Variants in ITGA7 observed in about 807,000 individuals in gnomAD.
ITGA7 encodes the protein integrin alpha-7.
ITGA7 carries 84 observed loss-of-function variants against 131.6 expected under a neutral mutation model. The ratio of observed to expected loss-of-function variants is 0.64; its 90% CI spans 0.54 to 0.77. The LOEUF (loss-of-function observed/expected upper bound fraction) is 0.77. Among genes scored for constraint, ITGA7 ranks in the 30% least tolerant of loss-of-function variants. The pLI is 0.00. For missense variants in ITGA7, 1,399 were observed against 1,482.9 expected (o/e 0.94, Z 0.93); for synonymous variants, 548 against 600.7 (o/e 0.91, Z 1.28).
chr12:55,715,866 T>C (rs933400955), upstream of ITGA7: 31 of 719,512 alleles, frequency 4.3e-5, no homozygotes, highest in Non-Finnish European at 6.1e-5. Context: ...CAGGAAATGT[T>C]AAAAACTGGC....
rs1156598663 is a variant in ITGA7, at chr12:55,698,828, C to T, written c.880G>A (p.Val294Met). The change falls in exon 6 of 25, where the codon GTG (valine) becomes ATG (methionine). Residue 294 changes from valine (V) to methionine (M), a missense_variant. Physicochemically the swap from Val to Met is conservative, Grantham distance 21. Coordinates refer to ENST00000257879, the MANE Select transcript of ITGA7 (RefSeq NM_002206.3). ...GCGCTGTCCTTGCGCAGGATGACCACAGCACCCTTGTGGTTGGCGCGGGGG... is the reference window on the plus strand; with the variant it reads ...GCGCTGTCCTTGCGCAGGATGACCATAGCACCCTTGTGGTTGGCGCGGGGG... ...GAPRANHKGA[V>M]VILRKDSASR... 6.2e-7 allele frequency: 1 copy of T among 1,614,056 alleles called. No homozygotes were observed. Among genetic ancestry groups the T allele is most frequent in the Non-Finnish European group, 8.5e-7 (1 of 1,180,000 alleles).
intron 7 of ITGA7, 127 bp downstream of exon 7, chr12:55,698,256 G>T: frequency 1.0e-6 from 1 of 967,824 alleles, no homozygotes; most frequent in Non-Finnish European, 1.5e-6. Flanking sequence ...AAATGGTACA[G>T]CTCAGACATA....
chr12:55,707,638 A>T lies in ITGA7; in HGVS notation c.45T>A (p.Ile15=). ...CGAGCAGGGAGCCAAAAAGGTAGCA[A>T]ATCCCGGAGGCCCCCCAAGGGTCGC... ...RSRDPWGASG[I]CYLFGSLLVE... is the part of the protein sequence containing the mutation. Residue 15 remains isoleucine, a synonymous_variant, in exon 1 of 25, where the codon ATT becomes ATA. Transcript: ENST00000257879. The T allele has an allele frequency of 6.2e-7, 1 of 1,603,874 alleles. No individual in the cohort carries two copies.
upstream of ITGA7, chr12:55,716,058 C>A: frequency 1.3e-6 from 2 of 1,558,304 alleles, no homozygotes; most frequent in Non-Finnish European, 1.7e-6. Context: ...TGACATGGCC[C>A]CGGGGAGCCG....
At position 55,685,273 on chromosome 12, in the gene ITGA7, G is replaced by A. The variant is rs367574217; in HGVS notation, c.3199C>T (p.Arg1067Trp). 55 of 1,614,090 alleles carry A rather than the reference G, an allele frequency of 3.4e-5. 1 individual carries two copies. The highest frequency in any genetic ancestry group is 1.2e-4 in the African/African-American group (9 of 75,062). ...ACGGTGGCCTCGGGGTGCTTCGCCCGTTTGAAGAATCCCATCTATAAGGAC... is the reference window on the plus strand; with the variant it reads ...ACGGTGGCCTCGGGGTGCTTCGCCCATTTGAAGAATCCCATCTATAAGGAC... Reference protein sequence around the residue: ...LLLWKMGFFKRAKHPEATVPQ... With the variant: ...LLLWKMGFFKWAKHPEATVPQ... The change falls in exon 25 of 25, where the codon CGG (arginine) becomes TGG (tryptophan). Residue 1067 changes from arginine to tryptophan, a missense_variant. Physicochemically the swap from Arg to Trp is moderately radical, Grantham distance 101 (BLOSUM62 -3). Coordinates refer to ENST00000257879, the MANE Select transcript of ITGA7 (RefSeq NM_002206.3).
At chr12:55,687,343 A>G (rs567789104) in intron 24 of ITGA7, among the ~76,000 whole-genome samples, 1 of 150,298 alleles carries the variant, frequency 6.7e-6, no homozygotes, top group East Asian at 2.0e-4. Context: ...ATGCCCAGCT[A>G]ATTTTTTTTA....
At position 55,707,642 on chromosome 12, in the gene ITGA7, C is replaced by A; in HGVS notation, c.41G>T (p.Gly14Val). The A allele has an allele frequency of 6.2e-7, 1 of 1,600,358 alleles. No homozygotes were observed. The highest frequency in any genetic ancestry group is 2.3e-5 in the East Asian group (1 of 44,114). Residue 14 changes from glycine to valine, a missense_variant, in exon 1 of 25, where the codon GGG becomes GTG. Physicochemically the swap from Gly to Val is moderately radical, Grantham distance 109. Coordinates refer to ENST00000257879, the MANE Select transcript of ITGA7 (RefSeq NM_002206.3). The part of the protein sequence containing the change: ...ARSRDPWGAS[G>V]ICYLFGSLLV... The stretch of plus-strand genomic sequence containing the variant: ...CAGGGAGCCAAAAAGGTAGCAAATC[C>A]CGGAGGCCCCCCAAGGGTCGCGGCT...
chr12:55,710,693 G>T (rs1180021559), upstream of ITGA7, among the ~76,000 whole-genome samples: 1 of 150,550 alleles, frequency 6.6e-6, no homozygotes, highest in Non-Finnish European at 1.5e-5. Flanking sequence ...AGCCCAGGAG[G>T]TGAAGGCTGC....
In ITGA7 at chr12:55,688,212, G is replaced by A. The variant is rs1316518208; in HGVS notation, c.3047C>T (p.Ala1016Val). The change falls in exon 23 of 25, where the codon GCC (alanine) becomes GTC (valine). Residue 1016 changes from alanine (A) to valine (V), a missense_variant. Coordinates refer to ENST00000257879, the MANE Select transcript of ITGA7 (RefSeq NM_002206.3). ...SSIKNLMLRD[A>V]STVIPVMVYL... The stretch of plus-strand genomic sequence containing the variant: ...AACCCTGCAGCTCACCACTGTGGAG[G>A]CATCTCGGAGCATCAAGTTCTTTAT... The A allele has an allele frequency of 8.7e-6, 14 of 1,613,960 alleles. No homozygotes were observed. The highest frequency in any genetic ancestry group is 1.1e-5 in the Non-Finnish European group (13 of 1,179,838).
At chr12:55,685,717 AC>A (rs1311587197) in intron 24 of ITGA7, among the ~76,000 whole-genome samples, 10 of 152,252 alleles carry the variant, frequency 6.6e-5, no homozygotes, top group African/African-American at 2.2e-4. Flanking sequence ...ATAAACATGC[AC>A]CCCGTGTACT....
At chr12:55,703,215 G>A (rs1380509146) in intron 1 of ITGA7, 37 bp from the exon 2 acceptor site, 1 of 1,600,726 alleles carries the variant, frequency 6.2e-7, no homozygotes, top group Non-Finnish European at 8.5e-7. Context: ...AGGGACAGGA[G>A]TTAGAGGTCA....
rs754702806 is a variant in ITGA7, at chr12:55,688,232, C to A, written c.3027G>T (p.Lys1009Asn). 5 of 1,614,158 alleles carry A rather than the reference C, an allele frequency of 3.1e-6. No homozygotes were observed. Among genetic ancestry groups the A allele is most frequent in the Non-Finnish European group, 4.2e-6 (5 of 1,180,036 alleles). ...RANITVKSSIKNLMLRDASTV... is the reference protein window; with the variant it reads ...RANITVKSSINNLMLRDASTV... Reference sequence around the variant, plus strand: ...TGGAGGCATCTCGGAGCATCAAGTTCTTTATGGAGGACTTCACTGTGATGT... The same window carrying A: ...TGGAGGCATCTCGGAGCATCAAGTTATTTATGGAGGACTTCACTGTGATGT... Residue 1009 changes from lysine (K) to asparagine (N), a missense_variant, in exon 23 of 25, where the codon AAG (lysine) becomes AAT (asparagine). By Grantham distance (94) the Lys-to-Asn change is moderately conservative. Transcript: ENST00000257879.
chr12:55,688,045 G>A lies in ITGA7; in HGVS notation c.3109C>T (p.Pro1037Ser). 6.2e-7 allele frequency: 1 copy of A among 1,614,116 alleles called. No individual in the cohort carries two copies. Among genetic ancestry groups the A allele is most frequent in the Non-Finnish European group, 8.5e-7 (1 of 1,180,004 alleles). The change falls in exon 24 of 25, where the codon CCC becomes TCC. Residue 1037 changes from proline (P) to serine (S), a missense_variant. By Grantham distance (74) the Pro-to-Ser change is moderately conservative (BLOSUM62 -1). Transcript: ENST00000257879. ...ACAGCCAGGAGGATGACCCACCAGGGCACTCCTTCTGCCACCACAGCCATG... is the reference window on the plus strand; with the variant it reads ...ACAGCCAGGAGGATGACCCACCAGGACACTCCTTCTGCCACCACAGCCATG... ...DPMAVVAEGV[P>S]WWVILLAVLA...
At chr12:55,704,220 G>C (rs1164677969) in intron 1 of ITGA7, among the ~76,000 whole-genome samples, 1 of 152,322 alleles carries the variant, frequency 6.6e-6, no homozygotes, top group Non-Finnish European at 1.5e-5. Context: ...CCCTTCCTGG[G>C]GGGCAAGGCC....
upstream of ITGA7, chr12:55,716,315 C>A (rs999582748): frequency 4.6e-6 from 7 of 1,505,494 alleles, no homozygotes; most frequent in African/African-American, 2.9e-5. Flanking sequence ...GGGCAACGGG[C>A]ATGGGGGAGA....
At position 55,684,759 on chromosome 12, in the gene ITGA7, T is replaced by A. The variant is rs1348228621; in HGVS notation, c.*299A>T. 7.5e-6 allele frequency: 3 copies of A among 402,082 alleles called. No individual in the cohort carries two copies. Among genetic ancestry groups the A allele is most frequent in the African/African-American group, 6.0e-5 (3 of 49,892 alleles). The allele number at this position is 402,082 out of a possible 1,614,324, so 24.9% of individuals were successfully genotyped here. On this transcript the variant is annotated 3_prime_UTR_variant, in exon 25 of 25. Coordinates refer to ENST00000257879, the MANE Select transcript of ITGA7 (RefSeq NM_002206.3). ...GTCCTTGGGGTCCTGTTACACAGGGTGAATGGGAGAGGAAGGGATTAGGAT... is the reference window on the plus strand; with the variant it reads ...GTCCTTGGGGTCCTGTTACACAGGGAGAATGGGAGAGGAAGGGATTAGGAT...
Position 55,688,864 on chromosome 12 carries a change from A to G in ITGA7, c.2938T>C (p.Trp980Arg). 2 of 1,613,950 alleles carry G rather than the reference A, an allele frequency of 1.2e-6. No homozygotes were observed. Among genetic ancestry groups the G allele is most frequent in the East Asian group, 4.5e-5 (2 of 44,878 alleles). Residue 980 changes from tryptophan to arginine, a missense_variant, in exon 22 of 25, where the codon TGG (tryptophan) becomes CGG (arginine). Transcript: ENST00000257879. Reference sequence around the variant, plus strand: ...CTCACCTCCAGAAAGGTGCTGTTCCAGAGACGGCCCCAGACATGCAGCACA... The same window carrying G: ...CTCACCTCCAGAAAGGTGCTGTTCCGGAGACGGCCCCAGACATGCAGCACA... ...AAVLHVWGRL[W>R]NSTFLEEYSA... is the part of the protein sequence containing the mutation.
chr12:55,712,423 C>A, upstream of ITGA7: 1 of 646,830 alleles, frequency 1.5e-6, no homozygotes. Context: ...TCCCTCAGCC[C>A]TCATCCAACC....
upstream of ITGA7, chr12:55,712,110 G>A (rs11171663): frequency 0.012 from 18,611 of 1,551,446 alleles, 153 homozygotes; most frequent in Non-Finnish European, 0.014. Flanking sequence ...TCTGGTTGTA[G>A]TCAAAGCTTG....
Sources: gnomAD v4.1 joint callset for allele counts (sites outside exome capture counted in the v4.1 genomes callset) on GRCh38, gnomAD v4.1.1 for gene constraint, MANE v1.5 for transcripts, NCBI Gene and HGNC (gene_info 2026-07-23, HGNC 2026-07-21) for gene names.